EBF1: variants seen among roughly 807,000 people sequenced by gnomAD.
The protein encoded by EBF1 is transcription factor COE1.
EBF1 carries 10 observed loss-of-function variants against 68.4 expected under a neutral mutation model. The ratio of observed to expected loss-of-function variants is 0.15; its 90% CI spans 0.09 to 0.25. The LOEUF is 0.25. Among genes scored for constraint, EBF1 ranks in the 10% least tolerant of loss-of-function variants. The pLI is 1.00. For missense variants in EBF1, 509 were observed against 794.4 expected (o/e 0.64, Z 4.32); for synonymous variants, 298 against 299.8 (o/e 0.99, Z 0.06).
intron 6 of EBF1, among the ~76,000 whole-genome samples, chr5:158,993,711 G>A (rs1399420764): frequency 2.6e-5 from 4 of 152,156 alleles, no homozygotes; most frequent in Admixed American, 6.5e-5. Flanking sequence ...GAGAAAGCAC[G>A]TGTAAAGATT....
At chr5:158,868,948 C>T (rs1229876369) in intron 6 of EBF1, among the ~76,000 whole-genome samples, 1 of 152,170 alleles carries the variant, frequency 6.6e-6, no homozygotes, top group Non-Finnish European at 1.5e-5. Flanking sequence ...AAGGAGGTTT[C>T]ATGTTCTCTT....
intron 9 of EBF1, among the ~76,000 whole-genome samples, chr5:158,787,255 G>C (rs1447599646): frequency 6.6e-6 from 1 of 152,096 alleles, no homozygotes; most frequent in East Asian, 1.9e-4. Context: ...TGTCATTAAT[G>C]AGCTGCACAG....
intron 8 of EBF1, among the ~76,000 whole-genome samples, chr5:158,813,272 A>G (rs1334629917): frequency 6.6e-6 from 1 of 152,212 alleles, no homozygotes; most frequent in East Asian, 1.9e-4. Context: ...TAAACACACA[A>G]CCATTAAAAA....
chr5:158,827,388 G>T (rs1407269168), intron 7 of EBF1, among the ~76,000 whole-genome samples: 1 of 152,140 alleles, frequency 6.6e-6, no homozygotes, highest in East Asian at 1.9e-4. Context: ...GTTTTCATTG[G>T]TTTATATAAT....
At position 158,710,473 on chromosome 5, in the gene EBF1, A is replaced by G. The variant is rs77218981; in HGVS notation, c.1549+1681T>C. Among the ~76,000 whole-genome samples the G allele has an allele frequency of 3.9e-3, 587 of 152,382 alleles. 4 individuals carry two copies. Among genetic ancestry groups the G allele is most frequent in the African/African-American group, 0.014 (565 of 41,586 alleles). ...GAATAAATGGGAGAACACTGAAATT[A>G]TAGATCTCTATGAGAAACAATCTTT... On this transcript the variant is annotated intron_variant, in intron 14 of 15. Coordinates refer to ENST00000313708, the MANE Select transcript of EBF1 (RefSeq NM_024007.5).
chr5:158,918,915 A>G (rs6869051), intron 6 of EBF1, among the ~76,000 whole-genome samples: 128,363 of 152,236 alleles, frequency 0.84, 54,323 homozygotes, highest in East Asian at 0.96. Flanking sequence ...GGGAGGGCTT[A>G]TATATAGAAA....
chr5:158,825,036 A>C (rs1411578108), intron 7 of EBF1, among the ~76,000 whole-genome samples: 1 of 152,196 alleles, frequency 6.6e-6, no homozygotes, highest in East Asian at 1.9e-4. Context: ...TGAAACCCCA[A>C]ATTCCATCTA....
intron 6 of EBF1, among the ~76,000 whole-genome samples, chr5:158,893,044 ATTCATT>A (rs1801488612): frequency 6.6e-6 from 1 of 151,570 alleles, no homozygotes; most frequent in African/African-American, 2.4e-5. Flanking sequence ...CTCACACACC[ATTCATT>A]TCCATTACTC....
At chr5:158,863,312 C>T (rs1213646814) in intron 6 of EBF1, among the ~76,000 whole-genome samples, 1 of 152,136 alleles carries the variant, frequency 6.6e-6, no homozygotes, top group African/African-American at 2.4e-5. Context: ...TTCCTCCCGA[C>T]AGGAATAGAA....
chr5:158,759,539 A>G (rs999779729), intron 10 of EBF1, among the ~76,000 whole-genome samples: 15 of 152,186 alleles, frequency 9.9e-5, no homozygotes, highest in African/African-American at 3.6e-4. Flanking sequence ...AAATGATAGC[A>G]TAGCGTGAGC....
At chr5:159,013,790 T>A (rs189566453) in intron 6 of EBF1, among the ~76,000 whole-genome samples, 5 of 152,204 alleles carry the variant, frequency 3.3e-5, no homozygotes, top group African/African-American at 1.2e-4. Context: ...CTCTGTCCCA[T>A]GCACACCTAT....
intron 9 of EBF1, among the ~76,000 whole-genome samples, chr5:158,782,475 AAAGT>A (rs1004403943): frequency 4.5e-4 from 69 of 152,066 alleles, no homozygotes; most frequent in African/African-American, 1.6e-3. Context: ...CCTGAGAAAC[AAAGT>A]AAGACCCTGT....
chr5:159,002,648 A>G (rs1762766371), intron 6 of EBF1, among the ~76,000 whole-genome samples: 1 of 152,244 alleles, frequency 6.6e-6, no homozygotes, highest in African/African-American at 2.4e-5. Context: ...TTTGAGTTCA[A>G]GGCTGACATA....
At chr5:159,061,065 C>T (rs1183615055) in intron 6 of EBF1, among the ~76,000 whole-genome samples, 2 of 151,720 alleles carry the variant, frequency 1.3e-5, no homozygotes. Flanking sequence ...CCTTCCAAAC[C>T]GGAGTGTTTA....
chr5:158,998,428 T>C (rs924158670), intron 6 of EBF1, among the ~76,000 whole-genome samples: 8 of 152,278 alleles, frequency 5.3e-5, no homozygotes, highest in Admixed American at 3.9e-4. Context: ...TTATTTCTCT[T>C]CCACATCGAG....
intron 9 of EBF1, among the ~76,000 whole-genome samples, chr5:158,792,942 C>A (rs1413030826): frequency 6.6e-6 from 1 of 152,134 alleles, no homozygotes. Flanking sequence ...ACCCCCAGCA[C>A]AAGACATCAT....
In EBF1 at chr5:158,751,833, A is replaced by G. The variant is rs78383468; in HGVS notation, c.1037-20676T>C. ...TACAAATAAAGAAATGGACATGGCCAAAATATTTATAAAACATTTGAGCAT... is the reference window on the plus strand; with the variant it reads ...TACAAATAAAGAAATGGACATGGCCGAAATATTTATAAAACATTTGAGCAT... On this transcript the variant is annotated intron_variant, in intron 10 of 15. Coordinates refer to ENST00000313708, the MANE Select transcript of EBF1 (RefSeq NM_024007.5). 5.9e-3 allele frequency among the ~76,000 whole-genome samples: 903 copies of G among 152,282 alleles called. 9 individuals are homozygous for G. The highest frequency in any genetic ancestry group is 0.02 in the African/African-American group (831 of 41,576).
chr5:158,835,505 C>T (rs998407614), intron 7 of EBF1, among the ~76,000 whole-genome samples: 128 of 152,320 alleles, frequency 8.4e-4, no homozygotes, highest in African/African-American at 2.8e-3. Context: ...TGTCAATGTT[C>T]TTCATGCAGA....
At chr5:158,805,722 G>A (rs921724852) in intron 8 of EBF1, among the ~76,000 whole-genome samples, 2 of 151,882 alleles carry the variant, frequency 1.3e-5, no homozygotes, top group South Asian at 2.1e-4. Flanking sequence ...AGGAGTTTAC[G>A]TTGATGTTTG....
Sources: allele counts gnomAD v4.1 joint callset (sites outside exome capture counted in the v4.1 genomes callset), GRCh38; gene constraint gnomAD v4.1.1; transcripts MANE v1.5; gene names NCBI Gene and HGNC (gene_info 2026-07-23, HGNC 2026-07-21).